The following MAF variants were observed in gnomAD, a reference collection of about 807,000 sequenced individuals.
MAF encodes MAF bZIP transcription factor.
A neutral mutation model predicts 22.0 loss-of-function variants in MAF; 10 were observed. That is an observed-to-expected ratio of 0.45 (90% CI 0.28 to 0.77). The LOEUF (loss-of-function observed/expected upper bound fraction) is 0.77, where lower values mean the gene tolerates loss of function less well. MAF is among the 30% of genes least tolerant of loss of function. The pLI, the probability that MAF is intolerant of heterozygous loss-of-function variation, is 0.12. For missense variants in MAF, 544 were observed against 548.4 expected (o/e 0.99, Z 0.08); for synonymous variants, 337 against 255.8 (o/e 1.32, Z -3.03).
the MAF span, among the ~76,000 whole-genome samples, chr16:79,508,666 T>G: frequency 0.043 from 6,584 of 152,274 alleles, 459 homozygotes; most frequent in African/African-American, 0.14. Flanking sequence ...TAAAGTAAAT[T>G]ACATATAGCA....
At chr16:79,432,187 G>A in the MAF span, among the ~76,000 whole-genome samples, 1 of 152,150 alleles carries the variant, frequency 6.6e-6, no homozygotes, top group Non-Finnish European at 1.5e-5. Context: ...GGTTTTAGAA[G>A]CATCTGGCAT....
the MAF span, among the ~76,000 whole-genome samples, chr16:79,273,846 G>A: frequency 1.7e-4 from 26 of 152,090 alleles, 1 homozygote; most frequent in Middle Eastern, 6.8e-3. Context: ...CATATTCACA[G>A]GTTCTAGGGA....
the MAF span, among the ~76,000 whole-genome samples, chr16:79,347,917 G>T: frequency 6.6e-6 from 1 of 152,206 alleles, no homozygotes; most frequent in East Asian, 1.9e-4. Context: ...GGATGTGTGT[G>T]TATGAGTGTG....
chr16:79,342,755 G>A, the MAF span, among the ~76,000 whole-genome samples: 1 of 152,256 alleles, frequency 6.6e-6, no homozygotes, highest in East Asian at 1.9e-4. Context: ...TGTGAGGTGG[G>A]TCACGTTACT....
At chr16:79,347,523 T>G in the MAF span, among the ~76,000 whole-genome samples, 1 of 152,220 alleles carries the variant, frequency 6.6e-6, no homozygotes, top group Non-Finnish European at 1.5e-5. Flanking sequence ...GTACATCTTC[T>G]CTGACACGGC....
At chr16:79,595,053 T>A (rs906119231) in intron 1 of MAF, 1 of 1,051,740 alleles carries the variant, frequency 9.5e-7, no homozygotes, top group African/African-American at 1.7e-5. Flanking sequence ...TTTCATCAGA[T>A]GCTTTTTTGT....
chr16:79,376,409 C>T, the MAF span, among the ~76,000 whole-genome samples: 1 of 152,052 alleles, frequency 6.6e-6, no homozygotes, highest in East Asian at 1.9e-4. Context: ...AAAGTTATTA[C>T]ACTATGACCC....
At chr16:79,550,328 A>G in the MAF span, among the ~76,000 whole-genome samples, 2 of 135,338 alleles carry the variant, frequency 1.5e-5, no homozygotes, top group African/African-American at 2.6e-5. Flanking sequence ...CATAAAGCTT[A>G]GGGGGAAAGG....
the MAF span, among the ~76,000 whole-genome samples, chr16:79,502,876 G>A: frequency 5.4e-4 from 81 of 150,212 alleles, 1 homozygote; most frequent in Admixed American, 5.3e-3. Flanking sequence ...TAACGTGGTG[G>A]TTACATGGGA....
chr16:79,560,250 C>T, the MAF span, among the ~76,000 whole-genome samples: 1 of 152,000 alleles, frequency 6.6e-6, no homozygotes, highest in Non-Finnish European at 1.5e-5. Context: ...AATGAAATTC[C>T]ATGTCACATA....
the MAF span, among the ~76,000 whole-genome samples, chr16:79,401,891 G>T: frequency 6.6e-6 from 1 of 152,166 alleles, no homozygotes; most frequent in Admixed American, 6.5e-5. Context: ...CCTGGCTCCA[G>T]GCCTGCCGCA....
At chr16:79,490,197 T>A in the MAF span, among the ~76,000 whole-genome samples, 2 of 152,230 alleles carry the variant, frequency 1.3e-5, no homozygotes, top group Non-Finnish European at 2.9e-5. Flanking sequence ...GCAGTGATTC[T>A]GCAGGTGATC....
the MAF span, among the ~76,000 whole-genome samples, chr16:79,454,997 G>C: frequency 6.6e-6 from 1 of 151,894 alleles, no homozygotes; most frequent in African/African-American, 2.4e-5. Flanking sequence ...TCTGGAGGCT[G>C]AGGCAGGAGA....
the MAF span, among the ~76,000 whole-genome samples, chr16:79,394,041 C>T: frequency 2.6e-5 from 4 of 152,270 alleles, no homozygotes; most frequent in South Asian, 2.1e-4. Flanking sequence ...GAAGAGGAGA[C>T]GAACGCTTCA....
chr16:79,493,301 C>A, the MAF span, among the ~76,000 whole-genome samples: 2 of 152,154 alleles, frequency 1.3e-5, no homozygotes, highest in East Asian at 1.9e-4. Flanking sequence ...TGGGCCTCAG[C>A]CTCCCGAGTA....
chr16:79,520,179 A>G, the MAF span, among the ~76,000 whole-genome samples: 1 of 152,128 alleles, frequency 6.6e-6, no homozygotes, highest in Non-Finnish European at 1.5e-5. Context: ...CCAGCTGCTC[A>G]TGTCTTCCAA....
chr16:79,475,632 G>T, the MAF span, among the ~76,000 whole-genome samples: 148 of 152,198 alleles, frequency 9.7e-4, no homozygotes, highest in African/African-American at 2.9e-3. Flanking sequence ...TATTCATAAG[G>T]GTGTGGGTTA....
the MAF span, among the ~76,000 whole-genome samples, chr16:79,546,776 C>A: frequency 1.3e-5 from 2 of 151,876 alleles, no homozygotes; most frequent in East Asian, 1.9e-4. Flanking sequence ...TATGTGTGAC[C>A]CAAAGAGAAA....
the MAF span, among the ~76,000 whole-genome samples, chr16:79,252,051 G>A: frequency 6.6e-6 from 1 of 152,248 alleles, no homozygotes; most frequent in African/African-American, 2.4e-5. Context: ...ACTGGTCTAT[G>A]CCGTCCCGGC....
Sources: allele counts gnomAD v4.1 joint callset (sites outside exome capture counted in the v4.1 genomes callset), GRCh38; gene constraint gnomAD v4.1.1; transcripts MANE v1.5; gene names NCBI Gene and HGNC (gene_info 2026-07-23, HGNC 2026-07-21).